The following LGSN variants were observed in gnomAD, a reference collection of about 807,000 sequenced individuals.
The protein encoded by LGSN is lengsin, lens protein with glutamine synthetase domain.
LGSN carries 21 observed loss-of-function variants against 19.5 expected under a neutral mutation model. The observed-to-expected ratio is 1.07, with a 90% confidence interval of 0.76 to 1.55. The LOEUF is 1.55. LGSN is among the 40% of genes most tolerant of loss of function. LGSN has a pLI of 0.00. For synonymous variants in LGSN, 257 were observed against 215.6 expected (o/e 1.19, Z -1.68); for missense variants, 673 against 608.5 (o/e 1.11, Z -1.12).
rs1032737060 is a variant in LGSN at position 63,276,547 on chromosome 6, A to G, written c.*3474T>C. ...TATAGTAAATGAAAATAAGAAAGCA[A>G]TTTTTGTAAAGCTATTTATAAGGCA... On this transcript the variant is annotated 3_prime_UTR_variant, in exon 4 of 4. Transcript: ENST00000370657. 6.6e-6 allele frequency: 1 copy of G among 152,206 alleles called. No individual in the cohort carries two copies. The highest frequency in any genetic ancestry group is 6.5e-5 in the Admixed American group (1 of 15,280). 9.4% of individuals were successfully genotyped at this position (152,206 alleles called of 1,614,324 possible). A position where few individuals can be genotyped will look rare whatever the true frequency, so the allele number is the denominator to read the frequency against.
the LGSN span, among the ~76,000 whole-genome samples, chr6:63,528,347 G>A: frequency 2.0e-5 from 3 of 152,140 alleles, no homozygotes; most frequent in African/African-American, 7.2e-5. Context: ...TGCAGTCCCA[G>A]CTACTCTGGA....
At chr6:63,457,232 G>A in the LGSN span, among the ~76,000 whole-genome samples, 4 of 152,172 alleles carry the variant, frequency 2.6e-5, no homozygotes, top group East Asian at 1.9e-4. Context: ...TGGACCGGGC[G>A]TGGTGGCTCA....
At chr6:63,414,530 T>C in the LGSN span, among the ~76,000 whole-genome samples, 1 of 152,266 alleles carries the variant, frequency 6.6e-6, no homozygotes, top group Non-Finnish European at 1.5e-5. Context: ...ATTATGGTAA[T>C]GCTATTACCA....
chr6:63,304,738 A>G (rs1768314067), intron 1 of LGSN, among the ~76,000 whole-genome samples: 1 of 152,208 alleles, frequency 6.6e-6, no homozygotes, highest in Non-Finnish European at 1.5e-5. Flanking sequence ...CAGTCACAAT[A>G]GTATTCTCCC....
At chr6:63,381,682 G>A in the LGSN span, among the ~76,000 whole-genome samples, 6 of 152,246 alleles carry the variant, frequency 3.9e-5, no homozygotes, top group East Asian at 1.2e-3. Flanking sequence ...AAACTAAGTT[G>A]GACCAAAATG....
chr6:63,469,522 A>G, the LGSN span, among the ~76,000 whole-genome samples: 370 of 152,346 alleles, frequency 2.4e-3, 3 homozygotes, highest in Admixed American at 0.019. Context: ...AGATATTTTA[A>G]GAAGATTGCC....
the LGSN span, among the ~76,000 whole-genome samples, chr6:63,365,256 T>A: frequency 6.6e-6 from 1 of 152,010 alleles, no homozygotes; most frequent in Non-Finnish European, 1.5e-5. Context: ...AAAGGGGATA[T>A]CACCATCGAT....
the LGSN span, among the ~76,000 whole-genome samples, chr6:63,529,212 T>C: frequency 2.0e-5 from 3 of 149,232 alleles, no homozygotes; most frequent in Non-Finnish European, 4.4e-5. Context: ...TATGTATATA[T>C]ATTTGCTAAT....
the LGSN span, among the ~76,000 whole-genome samples, chr6:63,551,103 T>C: frequency 9.2e-5 from 14 of 152,286 alleles, no homozygotes; most frequent in African/African-American, 3.1e-4. Context: ...TCTCCCTCTG[T>C]TGCCCAGGCT....
intron 1 of LGSN, among the ~76,000 whole-genome samples, chr6:63,296,408 T>A (rs1256254219): frequency 6.6e-6 from 1 of 151,714 alleles, no homozygotes; most frequent in Non-Finnish European, 1.5e-5. Flanking sequence ...TTATTGTACA[T>A]GTTCACCATG....
the LGSN span, among the ~76,000 whole-genome samples, chr6:63,343,499 C>T: frequency 2.0e-5 from 3 of 152,184 alleles, no homozygotes; most frequent in Admixed American, 2.0e-4. Context: ...CTGTCACTCT[C>T]CATGTGATCT....
At chr6:63,551,575 T>G in the LGSN span, among the ~76,000 whole-genome samples, 11 of 152,284 alleles carry the variant, frequency 7.2e-5, no homozygotes, top group African/African-American at 2.6e-4. Context: ...CTAGGGTACA[T>G]GTGCACAATG....
chr6:63,283,639 T>C (rs1767409492), intron 3 of LGSN, among the ~76,000 whole-genome samples: 2 of 147,442 alleles, frequency 1.4e-5, no homozygotes, highest in African/African-American at 2.5e-5. Context: ...TTTTTTGAGA[T>C]GGAATAAGGT....
chr6:63,562,619 C>T, the LGSN span, among the ~76,000 whole-genome samples: 1 of 152,154 alleles, frequency 6.6e-6, no homozygotes, highest in South Asian at 2.1e-4. Context: ...ATAAATTCAA[C>T]AAAACAGTGC....
the LGSN span, among the ~76,000 whole-genome samples, chr6:63,566,384 G>A: frequency 6.6e-6 from 1 of 152,128 alleles, no homozygotes; most frequent in Non-Finnish European, 1.5e-5. Flanking sequence ...TAAGGAATTC[G>A]GCTCAGGGTC....
chr6:63,477,687 C>CTTTTTTTTTTTTTTTTTTT, the LGSN span, among the ~76,000 whole-genome samples: 267 of 61,086 alleles, frequency 4.4e-3, 12 homozygotes, highest in Non-Finnish European at 5.1e-3. Flanking sequence ...TTCTTTTTTT[C>CTTTTTTTTTTTTTTTTTTT]TTTTTTTTTT....
At chr6:63,537,882 G>A in the LGSN span, among the ~76,000 whole-genome samples, 2 of 152,194 alleles carry the variant, frequency 1.3e-5, no homozygotes, top group Non-Finnish European at 2.9e-5. Flanking sequence ...TGAGAGAGAA[G>A]TTGGGGAGAA....
the LGSN span, chr6:63,441,572 G>A: frequency 2.2e-6 from 1 of 445,424 alleles, no homozygotes; most frequent in Non-Finnish European, 4.3e-6. Context: ...TAGAACGAGA[G>A]GCAGAGAAGT....
intron 2 of LGSN, among the ~76,000 whole-genome samples, chr6:63,291,907 AT>A (rs748185982): frequency 1.2e-4 from 18 of 152,252 alleles, no homozygotes; most frequent in Non-Finnish European, 1.9e-4. Context: ...TGGATTATCC[AT>A]CTAAGCCCTT....
Sources: gnomAD v4.1 joint callset for allele counts (sites outside exome capture counted in the v4.1 genomes callset) on GRCh38, gnomAD v4.1.1 for gene constraint, MANE v1.5 for transcripts, NCBI Gene and HGNC (gene_info 2026-07-23, HGNC 2026-07-21) for gene names.